Variants in TRPM3 observed in about 807,000 individuals in gnomAD.
TRPM3 encodes long transient receptor potential channel 3.
Under a neutral mutation model 181.2 loss-of-function variants are expected in TRPM3, and 77 were observed. That is an observed-to-expected ratio of 0.42 (90% CI 0.35 to 0.51). The LOEUF is 0.51. Among genes scored for constraint, TRPM3 ranks in the 20% least tolerant of loss-of-function variants. The pLI, the probability that TRPM3 is intolerant of heterozygous loss-of-function variation, is 0.01. For missense variants in TRPM3, 1,759 were observed against 2,196.7 expected, an observed-to-expected ratio of 0.80 and a Z score of 3.98; for synonymous variants, 745 against 796.4, an observed-to-expected ratio of 0.94 and a Z score of 1.09.
intron 1 of TRPM3, among the ~76,000 whole-genome samples, chr9:71,435,726 T>C (rs1236219130): frequency 6.6e-6 from 1 of 152,174 alleles, no homozygotes; most frequent in Non-Finnish European, 1.5e-5. Flanking sequence ...GAGGTTCACA[T>C]CCTAATTTCC....
At chr9:70,745,451 C>T (rs888485272) in intron 8 of TRPM3, among the ~76,000 whole-genome samples, 2 of 152,114 alleles carry the variant, frequency 1.3e-5, no homozygotes, top group East Asian at 3.9e-4. Context: ...TCCTCTTTAT[C>T]TTCTTTCCAC....
intron 8 of TRPM3, among the ~76,000 whole-genome samples, chr9:70,739,022 G>A (rs2073403186): frequency 6.6e-6 from 1 of 152,060 alleles, no homozygotes; most frequent in African/African-American, 2.4e-5. Context: ...TCCAGGACCA[G>A]ATGGATTTAC....
intron 1 of TRPM3, among the ~76,000 whole-genome samples, chr9:70,927,747 C>T (rs1468167632): frequency 4.6e-5 from 7 of 152,076 alleles, no homozygotes; most frequent in Admixed American, 2.6e-4. Context: ...TAGGTCCTGC[C>T]GGCTGGGTGA....
chr9:70,878,545 T>C (rs2095915636), intron 1 of TRPM3, among the ~76,000 whole-genome samples: 1 of 152,122 alleles, frequency 6.6e-6, no homozygotes, highest in Non-Finnish European at 1.5e-5. Flanking sequence ...CTAAATGATT[T>C]GTGGTAAAGA....
intron 1 of TRPM3, among the ~76,000 whole-genome samples, chr9:70,876,521 G>A (rs1021977167): frequency 4.0e-5 from 6 of 151,576 alleles, no homozygotes; most frequent in Non-Finnish European, 5.9e-5. Flanking sequence ...GATAAAGTGA[G>A]TTTCTGATAG....
intron 1 of TRPM3, among the ~76,000 whole-genome samples, chr9:71,349,681 T>C (rs1208829940): frequency 6.6e-6 from 1 of 152,208 alleles, no homozygotes; most frequent in Admixed American, 6.5e-5. Context: ...ATCATTCAAA[T>C]GTCTTTTCTT....
At chr9:70,694,520 A>T (rs1160070446) in intron 8 of TRPM3, among the ~76,000 whole-genome samples, 1 of 152,078 alleles carries the variant, frequency 6.6e-6, no homozygotes, top group South Asian at 2.1e-4. Flanking sequence ...TTGCTCTTTC[A>T]CCCAGGCTGG....
At chr9:71,428,432 A>C (rs1242755787) in intron 1 of TRPM3, among the ~76,000 whole-genome samples, 1 of 151,944 alleles carries the variant, frequency 6.6e-6, no homozygotes, top group Non-Finnish European at 1.5e-5. Context: ...GGTGATTCAG[A>C]TGGCCATCAA....
intron 7 of TRPM3, chr9:70,776,493 C>A (rs1564229747): frequency 4.4e-6 from 3 of 688,404 alleles, no homozygotes; most frequent in African/African-American, 3.6e-5. Flanking sequence ...TTGAGCTAGT[C>A]AAAAAATGAT....
chr9:71,311,560 T>C (rs2132402265), intron 1 of TRPM3, among the ~76,000 whole-genome samples: 1 of 152,166 alleles, frequency 6.6e-6, no homozygotes, highest in Middle Eastern at 3.4e-3. Flanking sequence ...GATGTCCACA[T>C]GCCAAAAAAC....
chr9:71,153,217 T>A (rs138671860), intron 1 of TRPM3, among the ~76,000 whole-genome samples: 1 of 152,232 alleles, frequency 6.6e-6, no homozygotes, highest in East Asian at 1.9e-4. Context: ...ATTACCTTTT[T>A]GCTAATTAGG....
At chr9:70,892,825 T>C (rs573641187) in intron 1 of TRPM3, among the ~76,000 whole-genome samples, 2 of 152,308 alleles carry the variant, frequency 1.3e-5, no homozygotes, top group East Asian at 3.9e-4. Flanking sequence ...CCATAGTATG[T>C]GGTGAAATAG....
At chr9:71,108,514 A>G (rs1436427732) in intron 1 of TRPM3, among the ~76,000 whole-genome samples, 2 of 152,204 alleles carry the variant, frequency 1.3e-5, no homozygotes, top group African/African-American at 4.8e-5. Flanking sequence ...ACATATCACC[A>G]AACCTTGGTT....
intron 8 of TRPM3, among the ~76,000 whole-genome samples, chr9:70,693,888 G>C (rs138080901): frequency 4.6e-5 from 7 of 152,348 alleles, no homozygotes; most frequent in African/African-American, 1.7e-4. Flanking sequence ...CGGATTTTCT[G>C]ATTACTTTAG....
At chr9:70,613,223 C>T (rs1455118066) in intron 18 of TRPM3, among the ~76,000 whole-genome samples, 2 of 152,152 alleles carry the variant, frequency 1.3e-5, no homozygotes, top group African/African-American at 4.8e-5. Context: ...TGTATTCAGA[C>T]ATTTCCTTTG....
At chr9:71,381,728 G>A (rs2092805493) in intron 1 of TRPM3, among the ~76,000 whole-genome samples, 1 of 152,130 alleles carries the variant, frequency 6.6e-6, no homozygotes, top group Admixed American at 6.6e-5. Flanking sequence ...TGGAATGGGA[G>A]TATGTCTATC....
At chr9:70,664,413 A>C (rs960461204) in intron 9 of TRPM3, among the ~76,000 whole-genome samples, 2 of 152,152 alleles carry the variant, frequency 1.3e-5, no homozygotes, top group Non-Finnish European at 2.9e-5. Context: ...CACTTCCCTA[A>C]GTGAGTTTAA....
At chr9:70,791,687 AAT>A (rs2085440785) in intron 6 of TRPM3, among the ~76,000 whole-genome samples, 1 of 152,210 alleles carries the variant, frequency 6.6e-6, no homozygotes, top group African/African-American at 2.4e-5. Flanking sequence ...AGACACTGAA[AAT>A]ATAGAGTTTG....
chr9:71,061,087 T>C (rs1275364372), intron 1 of TRPM3, among the ~76,000 whole-genome samples: 1 of 152,016 alleles, frequency 6.6e-6, no homozygotes, highest in Non-Finnish European at 1.5e-5. Flanking sequence ...AGCTGAAGAA[T>C]GCATGGTACT....
Sources: gnomAD v4.1 joint callset for allele counts (sites outside exome capture counted in the v4.1 genomes callset) on GRCh38, gnomAD v4.1.1 for gene constraint, MANE v1.5 for transcripts, NCBI Gene and HGNC (gene_info 2026-07-23, HGNC 2026-07-21) for gene names.